GLIS1: variants seen among roughly 807,000 people sequenced by gnomAD.
The protein encoded by GLIS1 is GLIS family zinc finger 1.
Under a neutral mutation model 63.8 loss-of-function variants are expected in GLIS1, and 24 were observed. That is an observed-to-expected ratio of 0.38 (90% CI 0.27 to 0.53). GLIS1 has a LOEUF of 0.53. Among genes scored for constraint, GLIS1 ranks in the 20% least tolerant of loss-of-function variants. GLIS1 has a pLI of 0.85. For synonymous variants in GLIS1, 450 were observed against 482.5 expected (o/e 0.93, Z 0.88); for missense variants, 1,036 against 1,074.1 (o/e 0.96, Z 0.50).
At chr1:53,682,641 G>A (rs575758100) in intron 2 of GLIS1, among the ~76,000 whole-genome samples, 1 of 152,372 alleles carries the variant, frequency 6.6e-6, no homozygotes, top group Non-Finnish European at 1.5e-5. Flanking sequence ...GAGCCAAGGG[G>A]CAGGCAAGGA....
At chr1:53,605,457 C>G (rs1270747141) in intron 2 of GLIS1, among the ~76,000 whole-genome samples, 1 of 152,238 alleles carries the variant, frequency 6.6e-6, no homozygotes, top group African/African-American at 2.4e-5. Flanking sequence ...CTGAGCTCCC[C>G]GGCCTCGGCA....
intron 4 of GLIS1, among the ~76,000 whole-genome samples, chr1:53,593,103 G>C (rs1351733538): frequency 3.3e-5 from 5 of 152,256 alleles, no homozygotes; most frequent in African/African-American, 1.2e-4. Context: ...GTCCAAGTGT[G>C]AAACAGCTTG....
rs146994904 is a variant in GLIS1, at chr1:53,520,709, G to A, written c.1651C>T (p.Gln551Ter). 1 of 1,606,678 alleles carries A rather than the reference G, an allele frequency of 6.2e-7. No individual in the cohort carries two copies. The highest frequency in any genetic ancestry group is 8.5e-7 in the Non-Finnish European group (1 of 1,177,352). ...DVLTECLVLQ[Q>*]LHTSTQLAAS... is the part of the protein sequence containing the mutation. ...GCCAGCTGTGTGGACGTGTGGAGCT[G>A]CTGCAGGACCAGACACTCGGTCAGG... The change falls in exon 7 of 11, where the codon CAG becomes TAG. Residue 551 changes from glutamine to a stop codon, truncating the protein, a stop_gained. Transcript: ENST00000628545. LOFTEE classifies it high-confidence loss of function.
At chr1:53,636,183 CA>C (rs1158108092) in intron 2 of GLIS1, among the ~76,000 whole-genome samples, 2 of 152,052 alleles carry the variant, frequency 1.3e-5, no homozygotes, top group African/African-American at 4.8e-5. Context: ...AGTACAGACA[CA>C]AAAATTCTAA....
At chr1:53,713,503 CT>C (rs1557536825) in intron 2 of GLIS1, among the ~76,000 whole-genome samples, 1 of 130,892 alleles carries the variant, frequency 7.6e-6, no homozygotes, top group African/African-American at 2.9e-5. Context: ...CGGTGAGCCC[CT>C]GTCTCTTCAA....
chr1:53,542,238 C>T (rs934475862), intron 4 of GLIS1, among the ~76,000 whole-genome samples: 3 of 152,248 alleles, frequency 2.0e-5, no homozygotes, highest in Non-Finnish European at 4.4e-5. Flanking sequence ...ACTGCACCTC[C>T]ACTCAAGCGC....
intron 4 of GLIS1, among the ~76,000 whole-genome samples, chr1:53,535,614 C>A (rs1644574055): frequency 6.6e-6 from 1 of 151,998 alleles, no homozygotes; most frequent in Non-Finnish European, 1.5e-5. Context: ...CAACTAGTCA[C>A]CAGCCCAGGA....
intron 2 of GLIS1, among the ~76,000 whole-genome samples, chr1:53,616,814 C>T (rs2177957): frequency 0.36 from 54,793 of 151,990 alleles, 10,091 homozygotes; most frequent in East Asian, 0.44. Context: ...CAAGTCCCTC[C>T]GAGGCTCGGG....
At chr1:53,626,043 T>C (rs2100221996) in intron 2 of GLIS1, among the ~76,000 whole-genome samples, 1 of 152,260 alleles carries the variant, frequency 6.6e-6, no homozygotes, top group Non-Finnish European at 1.5e-5. Flanking sequence ...CTCACGACAA[T>C]GGGTACACTA....
chr1:53,654,154 C>T (rs1380449220), intron 2 of GLIS1, among the ~76,000 whole-genome samples: 1 of 152,230 alleles, frequency 6.6e-6, no homozygotes, highest in East Asian at 1.9e-4. Context: ...TTCCCAGATC[C>T]TGACACATCC....
At chr1:53,667,557 C>G (rs1646106489) in intron 2 of GLIS1, among the ~76,000 whole-genome samples, 1 of 152,206 alleles carries the variant, frequency 6.6e-6, no homozygotes, top group African/African-American at 2.4e-5. Flanking sequence ...GAGCGAGCTT[C>G]AAAACACCTT....
chr1:53,589,190 C>T (rs2100516685), intron 4 of GLIS1, among the ~76,000 whole-genome samples: 1 of 152,332 alleles, frequency 6.6e-6, no homozygotes, highest in East Asian at 1.9e-4. Context: ...ACTATAGCCT[C>T]AAACTCCCTG....
intron 2 of GLIS1, among the ~76,000 whole-genome samples, chr1:53,622,080 G>A (rs986032713): frequency 4.0e-5 from 6 of 151,890 alleles, no homozygotes; most frequent in African/African-American, 1.5e-4. Flanking sequence ...CACTGCGTCC[G>A]GCCTCATACA....
chr1:53,585,608 G>A (rs1645127152), intron 4 of GLIS1, among the ~76,000 whole-genome samples: 1 of 152,088 alleles, frequency 6.6e-6, no homozygotes, highest in Admixed American at 6.5e-5. Context: ...AGCAGGGAAG[G>A]AGGGCATCCA....
rs200426007 is a variant in GLIS1, at chr1:53,509,902, G to A, written c.2009C>T (p.Pro670Leu). ...GQPFPTLPSKPSYPPFQSPPP... is the reference protein window; with the variant it reads ...GQPFPTLPSKLSYPPFQSPPP... ...AGGGCTCTGGAAGGGTGGGTAGGAC[G>A]GCTTGCTGGGGAGTGTGGGGAAGGG... The change falls in exon 9 of 11, where the codon CCG (proline) becomes CTG (leucine). Residue 670 changes from proline (P) to leucine (L), a missense_variant. Pro to Leu is a moderately conservative substitution (Grantham distance 98). Around this residue, in one of 3 missense-constraint regions of GLIS1, gnomAD observed 400 missense variants for 400.9 expected, o/e 1.00. Coordinates refer to ENST00000628545, the MANE Select transcript of GLIS1 (RefSeq NM_001367484.1). The A allele has an allele frequency of 3.6e-5, 47 of 1,307,772 alleles. No homozygotes were observed. The highest frequency in any genetic ancestry group is 2.2e-4 in the Admixed American group (7 of 32,080). The allele number at this position is 1,307,772 out of a possible 1,614,324, so 81.0% of individuals were successfully genotyped here.
intron 2 of GLIS1, among the ~76,000 whole-genome samples, chr1:53,661,446 T>G (rs1646027269): frequency 6.6e-6 from 1 of 152,184 alleles, no homozygotes; most frequent in Admixed American, 6.5e-5. Flanking sequence ...AAAGCCTAAT[T>G]GGTTTTTATT....
chr1:53,602,934 T>C (rs952953768), intron 2 of GLIS1, among the ~76,000 whole-genome samples: 1 of 152,198 alleles, frequency 6.6e-6, no homozygotes, highest in African/African-American at 2.4e-5. Context: ...ATCTTTGCAA[T>C]AATTCTGCCA....
chr1:53,527,810 T>C (rs1190754012), intron 5 of GLIS1, among the ~76,000 whole-genome samples: 2 of 151,932 alleles, frequency 1.3e-5, no homozygotes, highest in Non-Finnish European at 2.9e-5. Flanking sequence ...CGGCTGCACT[T>C]CCCAGGCTTC....
chr1:53,510,656 C>G (rs1644289761), intron 8 of GLIS1, among the ~76,000 whole-genome samples: 1 of 152,200 alleles, frequency 6.6e-6, no homozygotes, highest in Non-Finnish European at 1.5e-5. Flanking sequence ...GACATTAAAG[C>G]AATATAGACA....
Sources: gnomAD v4.1 joint callset for allele counts (sites outside exome capture counted in the v4.1 genomes callset) on GRCh38, gnomAD v4.1.1 for gene constraint, gnomAD v4.1.1 regional missense constraint, MANE v1.5 for transcripts, NCBI Gene and HGNC (gene_info 2026-07-23, HGNC 2026-07-21) for gene names.